The following SMYD3 variants were observed in gnomAD, a reference collection of about 807,000 sequenced individuals.
SMYD3 encodes SET and MYND domain containing 3, also known as histone-lysine N-methyltransferase SMYD3.
SMYD3 carries 36 observed loss-of-function variants against 57.7 expected under a neutral mutation model. The ratio of observed to expected loss-of-function variants is 0.62; its 90% CI spans 0.48 to 0.82. The LOEUF is 0.82. Ranked by LOEUF, SMYD3 falls within the 40% of genes least tolerant of loss-of-function variation. The probability of loss-of-function intolerance (pLI) is 0.00; values close to 1 mark genes in which losing one functional copy is unlikely to be tolerated. For synonymous variants in SMYD3, 211 were observed against 195.0 expected, an observed-to-expected ratio of 1.08 and a Z score of -0.68; for missense variants, 515 against 538.8, an observed-to-expected ratio of 0.96 and a Z score of 0.44.
At position 246,177,616 on chromosome 1, in the gene SMYD3, T is replaced by C. The variant is rs113156238; in HGVS notation, c.531+149585A>G. On this transcript the variant is annotated intron_variant, in intron 5 of 11. Transcript: ENST00000490107. ...GTATATTAAATGAGCAAGGAAGGAG[T>C]GGAACTGTTGAAAGGTGGGGTCTAA... Among the ~76,000 whole-genome samples the C allele has an allele frequency of 1.6e-3, 247 of 151,642 alleles. 1 individual carries two copies. Among genetic ancestry groups the C allele is most frequent in the African/African-American group, 5.5e-3 (229 of 41,302 alleles).
intron 5 of SMYD3, among the ~76,000 whole-genome samples, chr1:246,275,963 T>G (rs1276855385): frequency 2.0e-5 from 3 of 150,428 alleles, no homozygotes; most frequent in Non-Finnish European, 4.4e-5. Context: ...GTATTAACAC[T>G]GGCAGGTTAT....
At chr1:246,199,193 T>A (rs1217432392) in intron 5 of SMYD3, among the ~76,000 whole-genome samples, 2 of 151,974 alleles carry the variant, frequency 1.3e-5, no homozygotes, top group Non-Finnish European at 2.9e-5. Flanking sequence ...GTTTTTAGAG[T>A]TAGATTAACT....
rs541736513 is a variant in SMYD3 at position 246,361,069 on chromosome 1, C to A, written c.165-5975G>T. 3.9e-5 allele frequency among the ~76,000 whole-genome samples: 6 copies of A among 152,266 alleles called. 1 individual carries two copies. Among genetic ancestry groups the A allele is most frequent in the African/African-American group, 1.4e-4 (6 of 41,534 alleles). On this transcript the variant is annotated intron_variant, in intron 1 of 11. Coordinates refer to ENST00000490107, the MANE Select transcript of SMYD3 (RefSeq NM_001167740.2). The stretch of plus-strand genomic sequence containing the variant: ...TATACATCCGACAAAGGACTCATAT[C>A]CAGAATCTACAAAGAACTCAAACAA...
chr1:245,777,873 C>G (rs7523473), intron 10 of SMYD3, among the ~76,000 whole-genome samples: 26,853 of 152,108 alleles, frequency 0.18, 2,677 homozygotes, highest in East Asian at 0.47. Flanking sequence ...CAACTACTCT[C>G]AGAACAAAAC....
At chr1:246,125,078 A>AC (rs1313323989) in intron 5 of SMYD3, among the ~76,000 whole-genome samples, 8,752 of 102,758 alleles carry the variant, frequency 0.085, 654 homozygotes, top group East Asian at 0.25. Flanking sequence ...TCTCAAAAAA[A>AC]AAAAAAAAAA....
intron 5 of SMYD3, among the ~76,000 whole-genome samples, chr1:246,215,982 T>A (rs1208798978): frequency 6.6e-6 from 1 of 152,132 alleles, no homozygotes; most frequent in Non-Finnish European, 1.5e-5. Flanking sequence ...TGGAGCACTC[T>A]GGACTAATGT....
At chr1:246,195,233 T>A (rs1297472312) in intron 5 of SMYD3, among the ~76,000 whole-genome samples, 1 of 152,182 alleles carries the variant, frequency 6.6e-6, no homozygotes, top group Non-Finnish European at 1.5e-5. Flanking sequence ...TATAAAAAAC[T>A]TGTGACTGTG....
chr1:246,153,399 T>G (rs2061973905), intron 5 of SMYD3, among the ~76,000 whole-genome samples: 2 of 110,730 alleles, frequency 1.8e-5, no homozygotes, highest in Admixed American at 1.3e-4. Flanking sequence ...AAAACCCTGC[T>G]GGAGATAGGG....
chr1:245,911,839 T>G (rs114966809), intron 8 of SMYD3, among the ~76,000 whole-genome samples: 1,557 of 151,990 alleles, frequency 0.01, 27 homozygotes, highest in African/African-American at 0.035. Flanking sequence ...GCAACTATAG[T>G]TAATAGTTTA....
At chr1:245,879,939 C>G (rs1026508437) in intron 8 of SMYD3, among the ~76,000 whole-genome samples, 1 of 152,140 alleles carries the variant, frequency 6.6e-6, no homozygotes, top group African/African-American at 2.4e-5. Context: ...AGAGATAGCA[C>G]AGGTGCGTTG....
At chr1:246,084,189 C>T (rs144094029) in intron 5 of SMYD3, among the ~76,000 whole-genome samples, 1 of 147,270 alleles carries the variant, frequency 6.8e-6, no homozygotes, top group East Asian at 2.0e-4. Context: ...AACCAACTGA[C>T]AATTCCTTTT....
chr1:245,792,665 T>C (rs1390552089), intron 10 of SMYD3, among the ~76,000 whole-genome samples: 1 of 152,210 alleles, frequency 6.6e-6, no homozygotes, highest in African/African-American at 2.4e-5. Context: ...TAGGACTTCA[T>C]TAATATTTGT....
intron 7 of SMYD3, among the ~76,000 whole-genome samples, chr1:245,927,509 T>C (rs1256008910): frequency 6.6e-6 from 1 of 152,192 alleles, no homozygotes. Context: ...ATGTAGCCAG[T>C]GGCCTTCCGA....
chr1:246,340,269 T>C (rs1236601686), intron 2 of SMYD3, among the ~76,000 whole-genome samples: 1 of 151,862 alleles, frequency 6.6e-6, no homozygotes, highest in Non-Finnish European at 1.5e-5. Context: ...AGAATTTTTG[T>C]CTTGGGGGAA....
intron 5 of SMYD3, among the ~76,000 whole-genome samples, chr1:246,014,152 G>A (rs1265004718): frequency 2.1e-4 from 32 of 152,236 alleles, no homozygotes; most frequent in Admixed American, 5.9e-4. Context: ...GCGAAACCCC[G>A]TCTCTACTAA....
intron 5 of SMYD3, among the ~76,000 whole-genome samples, chr1:246,231,514 A>AT (rs2148448611): frequency 6.6e-6 from 1 of 152,358 alleles, no homozygotes; most frequent in South Asian, 2.1e-4. Context: ...CATATTAAAA[A>AT]TTGTTTTCTG....
chr1:246,386,180 G>T (rs911982186), intron 1 of SMYD3, among the ~76,000 whole-genome samples: 2 of 152,188 alleles, frequency 1.3e-5, no homozygotes, highest in African/African-American at 4.8e-5. Flanking sequence ...GAGCCACCGC[G>T]TCTGGCCTAA....
At position 246,148,163 on chromosome 1, in the gene SMYD3, A is replaced by G. The variant is rs113816355; in HGVS notation, c.531+179038T>C. Among the ~76,000 whole-genome samples, 240 of 152,252 alleles carry G rather than the reference A, an allele frequency of 1.6e-3. 1 individual carries two copies. Among genetic ancestry groups the G allele is most frequent in the African/African-American group, 5.3e-3 (222 of 41,538 alleles). ...GACTTGTGGTGCCTCGTCTGGGTGC[A>G]CATGGAGGACCATGGGCCAATCGGC... On this transcript the variant is annotated intron_variant, in intron 5 of 11. Transcript: ENST00000490107.
chr1:245,807,132 G>A lies in SMYD3; in HGVS notation c.1077-42983C>T, dbSNP rs141024194. On this transcript the variant is annotated intron_variant, in intron 10 of 11. Coordinates refer to ENST00000490107, the MANE Select transcript of SMYD3 (RefSeq NM_001167740.2). ...GCTGCATGGTGCAACTGGGAGGCTT[G>A]CTGGAAAATGGCAAGTCCTGCTGCA... Among the ~76,000 whole-genome samples, 394 of 152,026 alleles carry A rather than the reference G, an allele frequency of 2.6e-3. 2 individuals are homozygous for A. The highest frequency in any genetic ancestry group is 4.0e-3 in the Non-Finnish European group (269 of 67,980).
Sources: allele counts gnomAD v4.1 joint callset (sites outside exome capture counted in the v4.1 genomes callset), GRCh38; gene constraint gnomAD v4.1.1; transcripts MANE v1.5; gene names NCBI Gene and HGNC (gene_info 2026-07-23, HGNC 2026-07-21).